Variants in TFB1M observed in about 807,000 individuals in gnomAD.
TFB1M encodes dimethyladenosine transferase 1, mitochondrial.
TFB1M carries 27 observed loss-of-function variants against 31.1 expected under a neutral mutation model. That is an observed-to-expected ratio of 0.87 (90% CI 0.64 to 1.20). The LOEUF is 1.20. Ranked by LOEUF, TFB1M falls within the 50% of genes most tolerant of loss-of-function variation. The pLI is 0.00. For synonymous variants in TFB1M, 166 were observed against 151.8 expected (o/e 1.09, Z -0.69); for missense variants, 394 against 418.7 (o/e 0.94, Z 0.51).
downstream of TFB1M, chr6:155,253,940 T>A (rs549350683): frequency 8.3e-5 from 131 of 1,580,270 alleles, 1 homozygote; most frequent in South Asian, 1.4e-3. Context: ...TGGGCAAAGT[T>A]GTAGACTCTT....
At chr6:155,285,087 T>G (rs1776565331) in intron 5 of TFB1M, 71 bp downstream of exon 5, 2 of 1,590,912 alleles carry the variant, frequency 1.3e-6, no homozygotes, top group South Asian at 2.2e-5. Context: ...AGAGGTTATT[T>G]CCTATGACAC....
At chr6:155,259,134 T>C (rs6929157) in intron 6 of TFB1M, among the ~76,000 whole-genome samples, 99,781 of 152,008 alleles carry the variant, frequency 0.66, 33,510 homozygotes, top group East Asian at 0.98. Flanking sequence ...TTGTGCTCCC[T>C]CCTCCCCCAT....
In TFB1M at chr6:155,307,136, T is replaced by TACACAC. The variant is rs61677970; in HGVS notation, c.285+4046_285+4051dup. ...AGAGTGAGACCATGTCTCAAACACA[T>TACACAC]ACACACACACACACACACACACACA... On this transcript the variant is annotated intron_variant, in intron 2 of 6. Coordinates refer to ENST00000367166, the MANE Select transcript of TFB1M (RefSeq NM_016020.4). 7.1e-3 allele frequency among the ~76,000 whole-genome samples: 1,050 copies of TACACAC among 147,340 alleles called. 12 individuals are homozygous for TACACAC. Among genetic ancestry groups the TACACAC allele is most frequent in the East Asian group, 0.021 (107 of 5,022 alleles).
chr6:155,231,565 C>G, the TFB1M span, among the ~76,000 whole-genome samples: 1 of 152,220 alleles, frequency 6.6e-6, no homozygotes, highest in Non-Finnish European at 1.5e-5. Flanking sequence ...CTCCACTCCA[C>G]GGAGCATGCC....
chr6:155,230,945 C>G, the TFB1M span, among the ~76,000 whole-genome samples: 1 of 151,798 alleles, frequency 6.6e-6, no homozygotes, highest in Non-Finnish European at 1.5e-5. Flanking sequence ...GCAGTCCTCC[C>G]AACTCAGGTC....
At chr6:155,309,113 G>A (rs1777910129) in intron 2 of TFB1M, among the ~76,000 whole-genome samples, 1 of 152,106 alleles carries the variant, frequency 6.6e-6, no homozygotes, top group Non-Finnish European at 1.5e-5. Context: ...TTAGAAAAAA[G>A]AGCATAAAAC....
chr6:155,275,177 G>C (rs903914823), intron 5 of TFB1M, among the ~76,000 whole-genome samples: 5 of 152,106 alleles, frequency 3.3e-5, no homozygotes, highest in Admixed American at 6.5e-5. Flanking sequence ...AGTGAGCCAA[G>C]ATCGCTCCAC....
chr6:155,256,821 C>A lies in TFB1M; in HGVS notation c.*1015G>T. 6.2e-7 allele frequency: 1 copy of A among 1,614,156 alleles called. No homozygotes were observed. Among genetic ancestry groups the A allele is most frequent in the Middle Eastern group, 1.6e-4 (1 of 6,062 alleles). ...GACTGAGGATTTCCGAGGACCCAGA[C>A]GTTCACCCCGAGGCTGAGCAGCAGC... On this transcript the variant is annotated 3_prime_UTR_variant, in exon 7 of 7. Transcript: ENST00000367166.
In TFB1M at chr6:155,298,505, TGAAAAAG is replaced by T; in HGVS notation, c.359_365del (p.Ala120GlufsTer29). On this transcript the variant is annotated frameshift_variant, in exon 3 of 7. Coordinates refer to ENST00000367166, the MANE Select transcript of TFB1M (RefSeq NM_016020.4). LOFTEE classifies it high-confidence loss of function. Reference sequence around the variant, plus strand: ...CTTCCCAGGGTCTTTTAAGACTTTCTGAAAAAGCCTTTTCTACCTTAAATGTCAAGAC... The same window carrying T: ...CTTCCCAGGGTCTTTTAAGACTTTCTCCTTTTCTACCTTAAATGTCAAGAC... 6.2e-7 allele frequency: 1 copy of T among 1,612,056 alleles called. No individual in the cohort carries two copies. Among genetic ancestry groups the T allele is most frequent in the Non-Finnish European group, 8.5e-7 (1 of 1,178,310 alleles).
intron 5 of TFB1M, chr6:155,264,144 C>G (rs2985700): frequency 6.6e-6 from 1 of 151,874 alleles, no homozygotes; most frequent in Non-Finnish European, 1.5e-5. Context: ...ACTTCACTGT[C>G]GGGTAAAACA....
chr6:155,244,599 G>A, the TFB1M span: 231 of 1,577,770 alleles, frequency 1.5e-4, 3 homozygotes, highest in South Asian at 2.6e-3. Context: ...CTAAGAGTTA[G>A]CGTGGTGTCC....
At chr6:155,303,116 T>G (rs1262549074) in intron 2 of TFB1M, 1 of 151,946 alleles carries the variant, frequency 6.6e-6, no homozygotes, top group Admixed American at 6.6e-5. Flanking sequence ...ATGATAAATG[T>G]TCGAGGTGGA....
downstream of TFB1M, among the ~76,000 whole-genome samples, chr6:155,251,503 T>C (rs1289372833): frequency 6.6e-6 from 1 of 152,064 alleles, no homozygotes; most frequent in African/African-American, 2.4e-5. Flanking sequence ...GCCAGACTGG[T>C]CTCGAACTCC....
Position 155,287,551 on chromosome 6 carries a change from A to AGTGTGTGTGTGTGTGTGTGT in TFB1M, c.547-2294_547-2275dup, listed in dbSNP as rs150032717. On this transcript the variant is annotated intron_variant, in intron 4 of 6. Transcript: ENST00000367166. ...AAGACTACTCCTATCATTTACTCTG[A>AGTGTGTGTGTGTGTGTGTGT]GTGTGTGTGTGTGTGTGTGTGTGTA... 2.0e-3 allele frequency among the ~76,000 whole-genome samples: 302 copies of AGTGTGTGTGTGTGTGTGTGT among 147,620 alleles called. 3 individuals carry two copies. Among genetic ancestry groups the AGTGTGTGTGTGTGTGTGTGT allele is most frequent in the African/African-American group, 6.8e-3 (270 of 39,778 alleles).
intron 2 of TFB1M, among the ~76,000 whole-genome samples, chr6:155,305,234 T>A (rs868552107): frequency 3.5e-5 from 1 of 28,710 alleles, no homozygotes; most frequent in Non-Finnish European, 5.8e-5. Context: ...ATATATATAT[T>A]AAATTATATA....
At chr6:155,276,628 GA>G in intron 5 of TFB1M, 1 of 387,490 alleles carries the variant, frequency 2.6e-6, no homozygotes, top group Non-Finnish European at 4.6e-6. Flanking sequence ...AAGAGGTTCT[GA>G]TTACATTCAT....
chr6:155,251,918 ACTTT>A (rs3831214), downstream of TFB1M: 41 of 1,566,262 alleles, frequency 2.6e-5, no homozygotes, highest in Non-Finnish European at 3.3e-5. Flanking sequence ...TAAAATAAAG[ACTTT>A]CTTTCTCTTT....
intron 5 of TFB1M, among the ~76,000 whole-genome samples, chr6:155,266,417 G>C (rs1329637692): frequency 6.6e-6 from 1 of 152,060 alleles, no homozygotes; most frequent in Non-Finnish European, 1.5e-5. Flanking sequence ...CTCAAATCCT[G>C]GAGATTAAAT....
At position 155,256,523 on chromosome 6, in the gene TFB1M, G is replaced by C; in HGVS notation, c.*1313C>G. 6.2e-7 allele frequency: 1 copy of C among 1,614,192 alleles called. No individual in the cohort carries two copies. The highest frequency in any genetic ancestry group is 1.3e-5 in the African/African-American group (1 of 75,048). ...TTAAAAGTCCTGAAGAATTCCTCCA[G>C]CAACGAGTGGACCGGTGAGACTGGC... is the stretch of plus-strand genomic sequence containing the variant. On this transcript the variant is annotated 3_prime_UTR_variant, in exon 7 of 7. Coordinates refer to ENST00000367166, the MANE Select transcript of TFB1M (RefSeq NM_016020.4).
Sources: allele counts gnomAD v4.1 joint callset (sites outside exome capture counted in the v4.1 genomes callset), GRCh38; gene constraint gnomAD v4.1.1; transcripts MANE v1.5; gene names NCBI Gene and HGNC (gene_info 2026-07-23, HGNC 2026-07-21).